Variants in EFL1 observed in about 807,000 individuals in gnomAD.
The protein encoded by EFL1 is elongation factor like GTPase 1.
Under a neutral mutation model 126.7 loss-of-function variants are expected in EFL1, and 76 were observed. The observed-to-expected ratio is 0.60, with a 90% confidence interval of 0.50 to 0.73. The LOEUF is 0.73. EFL1 is among the 30% of genes least tolerant of loss of function. EFL1 has a pLI of 0.00. For missense variants in EFL1, 1,128 were observed against 1,343.2 expected (o/e 0.84, Z 2.50); for synonymous variants, 410 against 448.4 (o/e 0.91, Z 1.08).
intron 3 of EFL1, among the ~76,000 whole-genome samples, chr15:82,255,345 T>C (rs1433405231): frequency 2.0e-5 from 3 of 152,240 alleles, no homozygotes; most frequent in Admixed American, 6.5e-5. Context: ...ACCTTCCTAC[T>C]GGTTGCAATA....
At chr15:82,144,392 T>C (rs1299449832) in intron 18 of EFL1, among the ~76,000 whole-genome samples, 1 of 152,326 alleles carries the variant, frequency 6.6e-6, no homozygotes, top group East Asian at 1.9e-4. Context: ...ACTAAGTTGC[T>C]GAATACAAAA....
At chr15:82,229,155 G>A (rs781766473) in intron 8 of EFL1, 45 bp from the exon 9 acceptor site, 9 of 1,430,620 alleles carry the variant, frequency 6.3e-6, no homozygotes, top group Non-Finnish European at 8.7e-6. Flanking sequence ...ACATTTAATA[G>A]GCATTTATAT....
intron 15 of EFL1, among the ~76,000 whole-genome samples, chr15:82,183,379 C>T (rs1305251585): frequency 6.6e-6 from 1 of 152,136 alleles, no homozygotes; most frequent in Non-Finnish European, 1.5e-5. Context: ...TTCTCACTCC[C>T]TCCTTTGGGA....
intron 19 of EFL1, among the ~76,000 whole-genome samples, chr15:82,133,971 T>A (rs1157152848): frequency 6.6e-6 from 1 of 151,992 alleles, no homozygotes; most frequent in Non-Finnish European, 1.5e-5. Flanking sequence ...GGTGTGAGGG[T>A]CAACTGCACT....
intron 15 of EFL1, among the ~76,000 whole-genome samples, chr15:82,189,447 T>C (rs771668445): frequency 6.6e-6 from 1 of 152,246 alleles, no homozygotes; most frequent in Non-Finnish European, 1.5e-5. Context: ...TTTTTTCCTC[T>C]CAAATTCTGC....
intron 15 of EFL1, among the ~76,000 whole-genome samples, chr15:82,183,903 G>C (rs967125473): frequency 6.6e-6 from 1 of 152,238 alleles, no homozygotes; most frequent in African/African-American, 2.4e-5. Context: ...TACTTGAGCA[G>C]TATGTATTAG....
intron 4 of EFL1, among the ~76,000 whole-genome samples, chr15:82,244,410 G>C (rs1345771504): frequency 6.6e-6 from 1 of 152,134 alleles, no homozygotes; most frequent in Admixed American, 6.5e-5. Flanking sequence ...CACTTTTCAA[G>C]AGACAAAATT....
intron 14 of EFL1, among the ~76,000 whole-genome samples, chr15:82,218,855 T>G (rs1257029821): frequency 1.3e-5 from 2 of 152,136 alleles, no homozygotes; most frequent in Non-Finnish European, 1.5e-5. Flanking sequence ...GGCAGAGACT[T>G]ACTTCAACTG....
chr15:82,213,512 T>C (rs1316781754), intron 15 of EFL1, among the ~76,000 whole-genome samples: 2 of 152,196 alleles, frequency 1.3e-5, no homozygotes, highest in Non-Finnish European at 2.9e-5. Context: ...AACTAATGCA[T>C]GCCACAGTCT....
At chr15:82,223,132 T>G (rs967729358) in intron 12 of EFL1, among the ~76,000 whole-genome samples, 5 of 152,150 alleles carry the variant, frequency 3.3e-5, no homozygotes, top group African/African-American at 1.2e-4. Context: ...CACTAATACA[T>G]TGTACTCTAT....
At chr15:82,142,198 A>C (rs1277746835) in intron 18 of EFL1, among the ~76,000 whole-genome samples, 2 of 152,210 alleles carry the variant, frequency 1.3e-5, no homozygotes, top group Admixed American at 6.5e-5. Context: ...TTGTTTGTTC[A>C]GTCACTTAAA....
chr15:82,195,372 A>G (rs979638635), intron 15 of EFL1, among the ~76,000 whole-genome samples: 4 of 152,180 alleles, frequency 2.6e-5, no homozygotes, highest in African/African-American at 9.7e-5. Context: ...GTGCTAGTGT[A>G]TCTCATGTCT....
chr15:82,230,701 C>A, intron 8 of EFL1, 147 bp downstream of exon 8: 1 of 881,786 alleles, frequency 1.1e-6, no homozygotes, highest in Non-Finnish European at 1.6e-6. Flanking sequence ...GACTTGTAAG[C>A]CTTTCCCAAT....
At chr15:82,239,278 A>G (rs2074906014) in intron 6 of EFL1, among the ~76,000 whole-genome samples, 1 of 152,064 alleles carries the variant, frequency 6.6e-6, no homozygotes, top group Admixed American at 6.5e-5. Flanking sequence ...CTGGGACTAC[A>G]GGGGCCTGCT....
At chr15:82,216,715 TA>T in intron 14 of EFL1, among the ~76,000 whole-genome samples, 2 of 152,202 alleles carry the variant, frequency 1.3e-5, no homozygotes, top group Admixed American at 1.3e-4. Flanking sequence ...ACATGAAAAG[TA>T]AAATATTAAA....
At chr15:82,234,742 T>G (rs1403936320) in intron 7 of EFL1, among the ~76,000 whole-genome samples, 1 of 152,136 alleles carries the variant, frequency 6.6e-6, no homozygotes, top group Admixed American at 6.5e-5. Context: ...TGATATAAAT[T>G]TCATGAAGAG....
chr15:82,254,450 T>C (rs2141341338), intron 3 of EFL1, among the ~76,000 whole-genome samples: 1 of 151,006 alleles, frequency 6.6e-6, no homozygotes, highest in African/African-American at 2.5e-5. Context: ...GTATGCACCA[T>C]CCCATTTCAA....
At chr15:82,145,833 T>A (rs2073839312) in intron 18 of EFL1, among the ~76,000 whole-genome samples, 2 of 111,444 alleles carry the variant, frequency 1.8e-5, no homozygotes, top group Admixed American at 1.1e-4. Context: ...CGAAACTCCA[T>A]CTCAAAAAAC....
chr15:82,131,949 A>G (rs1386647172), intron 19 of EFL1, among the ~76,000 whole-genome samples: 1 of 152,240 alleles, frequency 6.6e-6, no homozygotes, highest in African/African-American at 2.4e-5. Context: ...AAGAGCCATC[A>G]AGTATGTATA....
Sources: gnomAD v4.1 joint callset for allele counts (sites outside exome capture counted in the v4.1 genomes callset) on GRCh38, gnomAD v4.1.1 for gene constraint, MANE v1.5 for transcripts, NCBI Gene and HGNC (gene_info 2026-07-23, HGNC 2026-07-21) for gene names.